SPDYE1: variants seen among roughly 807,000 people sequenced by gnomAD.
SPDYE1 encodes speedy protein E1.
Under a neutral mutation model 45.9 loss-of-function variants are expected in SPDYE1, and 29 were observed. The observed-to-expected ratio is 0.63, with a 90% confidence interval of 0.47 to 0.86. The LOEUF is 0.86. SPDYE1 is among the 40% of genes least tolerant of loss of function. SPDYE1 has a pLI of 0.00. For synonymous variants in SPDYE1, 134 were observed against 176.8 expected, an observed-to-expected ratio of 0.76 and a Z score of 1.92; for missense variants, 346 against 481.4, an observed-to-expected ratio of 0.72 and a Z score of 2.63.
At chr7:44,008,195 T>C (rs1439476216) in intron 8 of SPDYE1, among the ~76,000 whole-genome samples, 1 of 152,244 alleles carries the variant, frequency 6.6e-6, no homozygotes, top group African/African-American at 2.4e-5. Flanking sequence ...GTTTACATCT[T>C]GTGCAGCTAA....
rs577816314 is a variant in SPDYE1 at position 44,008,796 on chromosome 7, A to G, written c.*175A>G. On this transcript the variant is annotated 3_prime_UTR_variant, in exon 9 of 9. Coordinates refer to ENST00000693451, the MANE Select transcript of SPDYE1 (RefSeq NM_001378423.2). ...GAAGAACCTGGACCATTCTTGATGG[A>G]GCTGAATACAGTGATCACGTTGTCC... 3.3e-6 allele frequency: 3 copies of G among 907,730 alleles called. No individual in the cohort carries two copies. The highest frequency in any genetic ancestry group is 2.6e-5 in the South Asian group (2 of 78,254). The allele number at this position is 907,730 out of a possible 1,614,324, so 56.2% of individuals were successfully genotyped here. A position where few individuals can be genotyped will look rare whatever the true frequency, so the allele number is the denominator to read the frequency against.
rs747183474 is a variant in SPDYE1 at position 44,005,179 on chromosome 7, C to A, written c.704C>A (p.Ala235Asp). 3 of 1,612,016 alleles carry A rather than the reference C, an allele frequency of 1.9e-6. No homozygotes were observed. The highest frequency in any genetic ancestry group is 1.1e-5 in the South Asian group (1 of 90,996). Reference sequence around the variant, plus strand: ...ATGGTCATAGCGTATTTCAGCCGAGCCGGCTTCCCCTCCTGGCAATACCAA... The same window carrying A: ...ATGGTCATAGCGTATTTCAGCCGAGACGGCTTCCCCTCCTGGCAATACCAA... ...LAMVIAYFSR[A>D]GFPSWQYQRL... Residue 235 changes from alanine (A) to aspartate (D), a missense_variant, in exon 6 of 9, where the codon GCC becomes GAC. Transcript: ENST00000693451.
chr7:44,007,988 G>A, intron 8 of SPDYE1, 175 bp downstream of exon 8: 2 of 1,466,890 alleles, frequency 1.4e-6, no homozygotes, highest in Non-Finnish European at 1.8e-6. Context: ...CAACTACTCA[G>A]GAGGCCGAGG....
At chr7:44,007,974 C>T in intron 8 of SPDYE1, 161 bp downstream of exon 8, 7 of 1,484,286 alleles carry the variant, frequency 4.7e-6, no homozygotes, top group South Asian at 3.9e-5. Context: ...CGCATCTCTA[C>T]TCCCAACTAC....
chr7:43,998,965 C>G (rs1012145198), intron 1 of SPDYE1, among the ~76,000 whole-genome samples: 4 of 147,466 alleles, frequency 2.7e-5, no homozygotes, highest in Non-Finnish European at 5.9e-5. Flanking sequence ...CAAGCATGAG[C>G]CACTGTGCAC....
chr7:43,999,183 G>C (rs1001334921), intron 1 of SPDYE1, among the ~76,000 whole-genome samples: 7 of 152,170 alleles, frequency 4.6e-5, no homozygotes, highest in African/African-American at 1.7e-4. Flanking sequence ...ATATGTGTGA[G>C]CTCCATTGGA....
rs1585944593 is a variant in SPDYE1 at position 44,009,361 on chromosome 7, C to G, written c.*740C>G. The G allele has an allele frequency of 6.6e-6, 1 of 151,502 alleles. No homozygotes were observed. Among genetic ancestry groups the G allele is most frequent in the East Asian group, 1.9e-4 (1 of 5,196 alleles). 9.4% of individuals were successfully genotyped at this position (151,502 alleles called of 1,614,324 possible). On this transcript the variant is annotated 3_prime_UTR_variant, in exon 9 of 9. Transcript: ENST00000693451. ...TATATGTGCTCCTGAAGCGAGCACT[C>G]TTTTTATCTATGATACTTCCATAAT...
At chr7:43,998,992 C>CT (rs2096058954) in intron 1 of SPDYE1, among the ~76,000 whole-genome samples, 1 of 148,910 alleles carries the variant, frequency 6.7e-6, no homozygotes, top group South Asian at 2.2e-4. Context: ...AATTTTTCGA[C>CT]TTAGTCTTTT....
At position 44,009,991 on chromosome 7, in the gene SPDYE1, T is replaced by G. The variant is rs939612143; in HGVS notation, c.*1370T>G. The stretch of plus-strand genomic sequence containing the variant: ...AGAATTCAGATGTAATTTTTTACCT[T>G]GATTTGGCATGTTTGTATGTTACTT... On this transcript the variant is annotated 3_prime_UTR_variant, in exon 9 of 9. Transcript: ENST00000693451. 1 of 152,222 alleles carries G rather than the reference T, an allele frequency of 6.6e-6. No individual in the cohort carries two copies. Among genetic ancestry groups the G allele is most frequent in the African/African-American group, 2.4e-5 (1 of 41,446 alleles). 9.4% of individuals were successfully genotyped at this position (152,222 alleles called of 1,614,324 possible).
At position 44,007,784 on chromosome 7, in the gene SPDYE1, G is replaced by A; in HGVS notation, c.*16G>A. The A allele has an allele frequency of 6.2e-7, 1 of 1,609,392 alleles. No individual in the cohort carries two copies. Among genetic ancestry groups the A allele is most frequent in the East Asian group, 2.2e-5 (1 of 44,880 alleles). On this transcript the variant is annotated 3_prime_UTR_variant, in exon 8 of 9. Transcript: ENST00000693451. ...CCTTTCCTAGAGCTCCAGGGACCGT[G>A]GAGGCCTGAGGTCATCGGCCTGAGA...
Position 44,008,815 on chromosome 7 carries a change from G to A in SPDYE1, c.*194G>A, listed in dbSNP as rs1392161054. 24 of 640,992 alleles carry A rather than the reference G, an allele frequency of 3.7e-5. No individual in the cohort carries two copies. The highest frequency in any genetic ancestry group is 1.4e-4 in the South Asian group (10 of 73,010). The allele number at this position is 640,992 out of a possible 1,614,324, so 39.7% of individuals were successfully genotyped here. On this transcript the variant is annotated 3_prime_UTR_variant, in exon 9 of 9. Transcript: ENST00000693451. The stretch of plus-strand genomic sequence containing the variant: ...TGATGGAGCTGAATACAGTGATCAC[G>A]TTGTCCTCCTAGGAGCAGGGGTGGG...
rs1485567237 is a variant in SPDYE1 at position 43,999,854 on chromosome 7, G to C, written c.-96G>C. The C allele has an allele frequency of 3.2e-6, 3 of 950,840 alleles. No individual in the cohort carries two copies. Among genetic ancestry groups the C allele is most frequent in the Non-Finnish European group, 3.7e-6 (3 of 803,798 alleles). 58.9% of individuals were successfully genotyped at this position (950,840 alleles called of 1,614,324 possible). Reference sequence around the variant, plus strand: ...GTGCCTGGAGATCAGTTGGACAACAGTATCTTCTCAGAGCTGTTCTCCACT... The same window carrying C: ...GTGCCTGGAGATCAGTTGGACAACACTATCTTCTCAGAGCTGTTCTCCACT... On this transcript the variant is annotated 5_prime_UTR_variant, in exon 2 of 9. Coordinates refer to ENST00000693451, the MANE Select transcript of SPDYE1 (RefSeq NM_001378423.2).
chr7:44,008,601 T>C lies in SPDYE1; in HGVS notation c.*46-66T>C, dbSNP rs999791765. The stretch of plus-strand genomic sequence containing the variant: ...TCTGAACTCTAGACTTGACATGGGA[T>C]GTGAATAACCTTCCTGTCTAGAGAG... On this transcript the variant is annotated intron_variant, in intron 8 of 8. Coordinates refer to ENST00000693451, the MANE Select transcript of SPDYE1 (RefSeq NM_001378423.2). 3 of 1,197,500 alleles carry C rather than the reference T, an allele frequency of 2.5e-6. No homozygotes were observed. In the African/African-American group the frequency reaches 4.9e-5, roughly 20 times the overall value. 74.2% of individuals were successfully genotyped at this position (1,197,500 alleles called of 1,614,324 possible). A position where few individuals can be genotyped will look rare whatever the true frequency, so the allele number is the denominator to read the frequency against.
rs111342823 is a variant in SPDYE1 at position 43,998,323 on chromosome 7, A to AT, written c.-423+372dup. On this transcript the variant is annotated intron_variant, in intron 1 of 8. Coordinates refer to ENST00000693451, the MANE Select transcript of SPDYE1 (RefSeq NM_001378423.2). ...GTGGGAACTCACTCGCAGGTTCTTT[A>AT]TTTTTTTTGAGATGGAGTTTTGCTC... Among the ~76,000 whole-genome samples the AT allele has an allele frequency of 9.3e-4, 140 of 151,090 alleles. 1 individual carries two copies. The highest frequency in any genetic ancestry group is 3.2e-3 in the African/African-American group (130 of 41,100).
Position 44,007,326 on chromosome 7 carries a change from T to A in SPDYE1, c.811T>A (p.Phe271Ile). 2 of 1,613,162 alleles carry A rather than the reference T, an allele frequency of 1.2e-6. No homozygotes were observed. The highest frequency in any genetic ancestry group is 1.7e-6 in the Non-Finnish European group (2 of 1,180,040). The change falls in exon 7 of 9, where the codon TTC becomes ATC. Residue 271 changes from phenylalanine to isoleucine, a missense_variant. Coordinates refer to ENST00000693451, the MANE Select transcript of SPDYE1 (RefSeq NM_001378423.2). ...DEDSKQNIFH[F>I]LYGKNRSRIP... Reference sequence around the variant, plus strand: ...GGACTCCAAACAAAACATCTTCCACTTCCTGTATGGGAAGAACCGCTCTCG... The same window carrying A: ...GGACTCCAAACAAAACATCTTCCACATCCTGTATGGGAAGAACCGCTCTCG...
At chr7:44,001,885 A>G (rs1425941357) in intron 3 of SPDYE1, among the ~76,000 whole-genome samples, 2 of 151,212 alleles carry the variant, frequency 1.3e-5, no homozygotes, top group Non-Finnish European at 2.9e-5. Flanking sequence ...GGTTGTTTTG[A>G]GCCAAGATAG....
intron 3 of SPDYE1, among the ~76,000 whole-genome samples, chr7:44,001,676 G>A (rs887392305): frequency 1.3e-5 from 2 of 152,296 alleles, no homozygotes; most frequent in Middle Eastern, 3.4e-3. Flanking sequence ...AAGGCCGGGT[G>A]TGGTAGCTCA....
At chr7:44,005,768 G>C (rs1485515965) in intron 6 of SPDYE1, among the ~76,000 whole-genome samples, 1 of 151,968 alleles carries the variant, frequency 6.6e-6, no homozygotes, top group Non-Finnish European at 1.5e-5. Context: ...CCACTCCTAA[G>C]GGGAAAAGAA....
chr7:44,002,316 CAACAAAAAAA>C (rs2096064503), intron 3 of SPDYE1, among the ~76,000 whole-genome samples: 1 of 47,788 alleles, frequency 2.1e-5, no homozygotes, highest in South Asian at 1.1e-3. Flanking sequence ...TCAACAACAA[CAACAAAAAAA>C]AAAAAAAAAA....
Sources: allele counts gnomAD v4.1 joint callset (sites outside exome capture counted in the v4.1 genomes callset), GRCh38; gene constraint gnomAD v4.1.1; transcripts MANE v1.5; gene names NCBI Gene and HGNC (gene_info 2026-07-23, HGNC 2026-07-21).